The following PCDHGB4 variants were observed in gnomAD, a reference collection of about 807,000 sequenced individuals.
The protein encoded by PCDHGB4 is protocadherin gamma-B4.
PCDHGB4 carries 38 observed loss-of-function variants against 60.5 expected under a neutral mutation model. The ratio of observed to expected loss-of-function variants is 0.63; its 90% CI spans 0.48 to 0.82. The LOEUF (loss-of-function observed/expected upper bound fraction) is 0.82. PCDHGB4 is among the 40% of genes least tolerant of loss of function. The probability of loss-of-function intolerance (pLI) is 0.00; values close to 1 mark genes in which losing one functional copy is unlikely to be tolerated. For missense variants in PCDHGB4, 1,109 were observed against 1,209.6 expected, an observed-to-expected ratio of 0.92 and a Z score of 1.23; for synonymous variants, 456 against 509.7, an observed-to-expected ratio of 0.89 and a Z score of 1.42.
chr5:141,411,868 A>G (rs2095520425), intron 1 of PCDHGB4: 1 of 152,224 alleles, frequency 6.6e-6, no homozygotes, highest in South Asian at 2.1e-4. Flanking sequence ...TCAAAAAAAA[A>G]AGACATTTCT....
chr5:141,431,288 C>T lies in PCDHGB4; in HGVS notation c.2397+41007C>T, dbSNP rs2097358193. ...GAGCTACGAGCTCAGCCCGAACACT[C>T]ACTTCTCCCTCATCGTGCAAAATGG... On this transcript the variant is annotated intron_variant, in intron 1 of 3. Transcript: ENST00000519479. This position sits in a 1 kb window ranked among gnomAD's most constrained non-coding sequence, Gnocchi z 4.8. 1 of 1,614,152 alleles carries T rather than the reference C, an allele frequency of 6.2e-7. No individual in the cohort carries two copies. Among genetic ancestry groups the T allele is most frequent in the East Asian group, 2.2e-5 (1 of 44,890 alleles).
intron 1 of PCDHGB4, chr5:141,394,275 A>T: frequency 6.2e-7 from 1 of 1,613,910 alleles, no homozygotes; most frequent in Non-Finnish European, 8.5e-7. Context: ...TGCCCAGGTC[A>T]CTTACTCTGT....
rs757410882 is a variant in PCDHGB4 at position 141,421,504 on chromosome 5, C to T, written c.2397+31223C>T. 8 of 1,614,062 alleles carry T rather than the reference C, an allele frequency of 5.0e-6. No homozygotes were observed. The highest frequency in any genetic ancestry group is 3.3e-5 in the South Asian group (3 of 91,088). ...CTTGATCACGGCAGGCAGGATAGACCGGGAGGAGCTCTGTGAGACGGTGTC... is the reference window on the plus strand; with the variant it reads ...CTTGATCACGGCAGGCAGGATAGACTGGGAGGAGCTCTGTGAGACGGTGTC... On this transcript the variant is annotated intron_variant, in intron 1 of 3. Transcript: ENST00000519479.
Position 141,476,852 on chromosome 5 carries a change from C to T in PCDHGB4, c.2398-17955C>T. 6.2e-7 allele frequency: 1 copy of T among 1,613,828 alleles called. No homozygotes were observed. Among genetic ancestry groups the T allele is most frequent in the Non-Finnish European group, 8.5e-7 (1 of 1,180,044 alleles). ...GAATGACAATGCGCCTGTCTTCAAC[C>T]AGTCCTTGTACCGGGCGCGCGTCCT... On this transcript the variant is annotated intron_variant, in intron 1 of 3. Coordinates refer to ENST00000519479, the MANE Select transcript of PCDHGB4 (RefSeq NM_003736.4). This position sits in a 1 kb window ranked among gnomAD's most constrained non-coding sequence, Gnocchi z 7.6.
chr5:141,388,492 A>G lies in PCDHGB4; in HGVS notation c.608A>G (p.Glu203Gly), dbSNP rs2091380241. Residue 203 changes from glutamate to glycine, a missense_variant, in exon 1 of 4, where the codon GAA (glutamate) becomes GGA (glycine). Transcript: ENST00000519479. Reference sequence around the variant, plus strand: ...GTATTGAAGACACCTTTGGACAGAGAAAAGCAGAAATCCTACCACTTGACT... The same window carrying G: ...GTATTGAAGACACCTTTGGACAGAGGAAAGCAGAAATCCTACCACTTGACT... Reference protein sequence around the residue: ...EMVLKTPLDREKQKSYHLTLT... With the variant: ...EMVLKTPLDRGKQKSYHLTLT... 7 of 1,613,742 alleles carry G rather than the reference A, an allele frequency of 4.3e-6. No individual in the cohort carries two copies. The highest frequency in any genetic ancestry group is 1.1e-5 in the South Asian group (1 of 91,088).
intron 1 of PCDHGB4, chr5:141,426,871 A>G (rs887250057): frequency 2.2e-6 from 1 of 456,722 alleles, no homozygotes; most frequent in Non-Finnish European, 4.4e-6. Flanking sequence ...GTGCTGGAGA[A>G]GCCCCTGGGC....
chr5:141,471,717 C>T (rs1196344901), intron 1 of PCDHGB4, among the ~76,000 whole-genome samples: 1 of 152,022 alleles, frequency 6.6e-6, no homozygotes, highest in Non-Finnish European at 1.5e-5. Flanking sequence ...GTGCCACTTA[C>T]CAGGTAAGGA....
rs958652662 is a variant in PCDHGB4, at chr5:141,494,839, T to C, written c.2430T>C (p.Ser810=). 6.2e-7 allele frequency: 1 copy of C among 1,614,106 alleles called. No individual in the cohort carries two copies. Among genetic ancestry groups the C allele is most frequent in the Non-Finnish European group, 8.5e-7 (1 of 1,180,016 alleles). ...QAPPNTDWRF[S]QAQRPGTSGS... ...CGCCCAACACGGACTGGCGTTTCTC[T>C]CAGGCCCAGAGACCCGGCACCAGCG... The change falls in exon 2 of 4, where the codon TCT becomes TCC. Residue 810 remains serine (S), a synonymous_variant. Coordinates refer to ENST00000519479, the MANE Select transcript of PCDHGB4 (RefSeq NM_003736.4).
In PCDHGB4 at chr5:141,510,929, C is replaced by T. The variant is rs1238694958; in HGVS notation, c.2546-18C>T. The T allele has an allele frequency of 3.1e-6, 5 of 1,613,988 alleles. No homozygotes were observed. The highest frequency in any genetic ancestry group is 4.2e-6 in the Non-Finnish European group (5 of 1,179,988). On this transcript the variant is annotated intron_variant, in intron 3 of 3. Coordinates refer to ENST00000519479, the MANE Select transcript of PCDHGB4 (RefSeq NM_003736.4). ...ACCCTAAGTTTAGCTCCCACCTGAT[C>T]TTCCTCTGTCTCTGCAGAAGCTGCT...
At chr5:141,418,409 G>C in intron 1 of PCDHGB4, 4 of 1,613,910 alleles carry the variant, frequency 2.5e-6, no homozygotes, top group Admixed American at 1.7e-5. Context: ...GGTGGAGAAA[G>C]ACAATCCTGA....
chr5:141,433,641 G>T (rs1177387884), intron 1 of PCDHGB4, among the ~76,000 whole-genome samples: 1 of 152,104 alleles, frequency 6.6e-6, no homozygotes, highest in Admixed American at 6.5e-5. Flanking sequence ...TTTGAGACCA[G>T]CCTGACCAAC....
At chr5:141,427,814 G>T in intron 1 of PCDHGB4, 2 of 1,526,562 alleles carry the variant, frequency 1.3e-6, no homozygotes, top group South Asian at 2.2e-5. Context: ...CACAGAGCGG[G>T]GTGGTGGTCG....
intron 1 of PCDHGB4, chr5:141,440,921 G>C (rs1213425379): frequency 6.6e-6 from 1 of 152,260 alleles, no homozygotes; most frequent in Non-Finnish European, 1.5e-5. Context: ...TGTGCTGAGA[G>C]TGAGGGCCAC....
chr5:141,467,710 G>A (rs1284029664), intron 1 of PCDHGB4, among the ~76,000 whole-genome samples: 1 of 152,122 alleles, frequency 6.6e-6, no homozygotes, highest in Non-Finnish European at 1.5e-5. Context: ...TGCCCAGGCT[G>A]GAGTGTAGTG....
At chr5:141,403,240 T>A (rs948095468) in intron 1 of PCDHGB4, 2 of 1,613,926 alleles carry the variant, frequency 1.2e-6, no homozygotes, top group Admixed American at 3.3e-5. Flanking sequence ...AGGAGCTCTG[T>A]GCTCAGAGCC....
intron 1 of PCDHGB4, chr5:141,478,265 G>A: frequency 6.2e-7 from 1 of 1,614,196 alleles, no homozygotes; most frequent in African/African-American, 1.3e-5. Context: ...CATATTCAAA[G>A]TTTACAAGTG....
chr5:141,393,789 G>C lies in PCDHGB4; in HGVS notation c.2397+3508G>C, dbSNP rs889575374. On this transcript the variant is annotated intron_variant, in intron 1 of 3. Transcript: ENST00000519479. ...GGAAATACAAGCCGAAGATGTGGGGGCACTTCTGGGGAGGACCAAATTGCT... is the reference window on the plus strand; with the variant it reads ...GGAAATACAAGCCGAAGATGTGGGGCCACTTCTGGGGAGGACCAAATTGCT... The C allele has an allele frequency of 1.9e-6, 3 of 1,613,840 alleles. No homozygotes were observed. The African/African-American group carries it at 4.0e-5, about 22-fold the overall frequency.
rs1303712746 is a variant in PCDHGB4 at position 141,512,800 on chromosome 5, C to G, written c.*1627C>G. The G allele has an allele frequency of 1.3e-5, 2 of 152,238 alleles. No homozygotes were observed. Among genetic ancestry groups the G allele is most frequent in the African/African-American group, 4.8e-5 (2 of 41,434 alleles). The allele number at this position is 152,238 out of a possible 1,614,324, so 9.4% of individuals were successfully genotyped here. A position where few individuals can be genotyped will look rare whatever the true frequency, so the allele number is the denominator to read the frequency against. On this transcript the variant is annotated 3_prime_UTR_variant, in exon 4 of 4. Coordinates refer to ENST00000519479, the MANE Select transcript of PCDHGB4 (RefSeq NM_003736.4). Reference sequence around the variant, plus strand: ...GCCCGTGTTGTGTTTTGTGCTGTGTCCACGCGCTAAGGCGACCCCCTCCCC... The same window carrying G: ...GCCCGTGTTGTGTTTTGTGCTGTGTGCACGCGCTAAGGCGACCCCCTCCCC...
At chr5:141,496,402 G>T (rs551923899) in intron 2 of PCDHGB4, among the ~76,000 whole-genome samples, 183 of 152,248 alleles carry the variant, frequency 1.2e-3, no homozygotes, top group African/African-American at 4.0e-3. Flanking sequence ...CCTCCTCAAT[G>T]GTTGAGTACT....
Sources: allele counts gnomAD v4.1 joint callset (sites outside exome capture counted in the v4.1 genomes callset), GRCh38; gene constraint gnomAD v4.1.1; non-coding constraint Gnocchi (gnomAD v3.1); transcripts MANE v1.5; gene names NCBI Gene and HGNC (gene_info 2026-07-23, HGNC 2026-07-21).